Variants in MTCL2 observed in about 807,000 individuals in gnomAD.
MTCL2 encodes microtubule cross-linking factor 2.
chr20:36,803,085 C>T, the MTCL2 span: 1 of 1,608,200 alleles, frequency 6.2e-7, no homozygotes, highest in Non-Finnish European at 8.5e-7. Context: ...CTCCCCGGCC[C>T]CCTTCCCTGT....
the MTCL2 span, chr20:36,808,414 T>G: frequency 1.0e-6 from 1 of 963,266 alleles, no homozygotes; most frequent in Non-Finnish European, 1.6e-6. Flanking sequence ...ATGGCAGGTA[T>G]GTGAGCCTAG....
chr20:36,826,293 T>C, the MTCL2 span, among the ~76,000 whole-genome samples: 9 of 86,928 alleles, frequency 1.0e-4, no homozygotes, highest in Non-Finnish European at 2.0e-4. Context: ...TTCTTTTCTG[T>C]TTCCCCCCTC....
the MTCL2 span, chr20:36,817,472 G>A: frequency 6.5e-7 from 1 of 1,534,162 alleles, no homozygotes; most frequent in Admixed American, 2.1e-5. Flanking sequence ...AAGGAATGCT[G>A]AAGTGAGATT....
chr20:36,786,626 A>G, the MTCL2 span: 2 of 1,550,134 alleles, frequency 1.3e-6, no homozygotes, highest in Admixed American at 3.9e-5. Flanking sequence ...TACTACAGTC[A>G]CAAACAGCGT....
chr20:36,811,378 C>A, the MTCL2 span, among the ~76,000 whole-genome samples: 1 of 152,024 alleles, frequency 6.6e-6, no homozygotes, highest in Non-Finnish European at 1.5e-5. Context: ...CCTGTAATAC[C>A]AGCACTTTGG....
chr20:36,828,310 T>A, the MTCL2 span, among the ~76,000 whole-genome samples: 3 of 152,216 alleles, frequency 2.0e-5, no homozygotes, highest in African/African-American at 7.2e-5. Context: ...GAGCCCTGCA[T>A]GGCCTTGAGG....
the MTCL2 span, chr20:36,802,766 A>G: frequency 4.1e-6 from 6 of 1,450,162 alleles, no homozygotes; most frequent in South Asian, 6.8e-5. Context: ...ACCTAGATCC[A>G]GCTATACCTG....
the MTCL2 span, among the ~76,000 whole-genome samples, chr20:36,794,939 T>C: frequency 6.6e-6 from 1 of 151,466 alleles, no homozygotes; most frequent in Non-Finnish European, 1.5e-5. The surrounding 1 kb of genome is among the most constrained non-coding windows in gnomAD (Gnocchi z 5.4). Flanking sequence ...TGGCTTTTTT[T>C]TTTCTTTTTT....
At chr20:36,837,192 G>C in the MTCL2 span, among the ~76,000 whole-genome samples, 5 of 152,118 alleles carry the variant, frequency 3.3e-5, no homozygotes, top group Non-Finnish European at 5.9e-5. Context: ...GCCTCCCTAG[G>C]GCCCCATCCC....
At chr20:36,787,918 C>T in the MTCL2 span, among the ~76,000 whole-genome samples, 19 of 140,130 alleles carry the variant, frequency 1.4e-4, no homozygotes, top group Non-Finnish European at 2.1e-4. Context: ...TGCTGCTGGA[C>T]AGCTGGCCAT....
At chr20:36,807,865 CTTT>C in the MTCL2 span, among the ~76,000 whole-genome samples, 2 of 53,506 alleles carry the variant, frequency 3.7e-5, no homozygotes, top group African/African-American at 7.1e-5. Flanking sequence ...GAAACCCTGT[CTTT>C]TTTTTTTTTT....
At chr20:36,833,004 TCAC>T in the MTCL2 span, among the ~76,000 whole-genome samples, 1 of 152,170 alleles carries the variant, frequency 6.6e-6, no homozygotes, top group Admixed American at 6.5e-5. Context: ...CCCCGGGTGC[TCAC>T]CACGTGCTTT....
the MTCL2 span, chr20:36,793,502 A>T: frequency 5.0e-5 from 77 of 1,551,582 alleles, no homozygotes; most frequent in Non-Finnish European, 6.6e-5. The surrounding 1 kb of genome is among the most constrained non-coding windows in gnomAD (Gnocchi z 6.8). Flanking sequence ...TTCCTGCACA[A>T]TGCCGTACTT....
At chr20:36,778,026 T>C in the MTCL2 span, 1 of 473,944 alleles carries the variant, frequency 2.1e-6, no homozygotes, top group Non-Finnish European at 3.7e-6. Context: ...TTCTGCCTCC[T>C]GCCTCCCCAG....
the MTCL2 span, among the ~76,000 whole-genome samples, chr20:36,799,303 C>G: frequency 6.6e-6 from 1 of 152,030 alleles, no homozygotes; most frequent in Non-Finnish European, 1.5e-5. Context: ...CCAGCCTGAC[C>G]AACATGGAGA....
the MTCL2 span, among the ~76,000 whole-genome samples, chr20:36,792,167 T>C: frequency 1.3e-5 from 2 of 152,164 alleles, no homozygotes; most frequent in African/African-American, 4.8e-5. Flanking sequence ...TTTTATGCTG[T>C]AAATCCTCCC....
At chr20:36,839,134 G>A in the MTCL2 span, 1 of 1,338,256 alleles carries the variant, frequency 7.5e-7, no homozygotes, top group Non-Finnish European at 1.0e-6. The surrounding 1 kb of genome is among the most constrained non-coding windows in gnomAD (Gnocchi z 5.1). Flanking sequence ...TGGACACACG[G>A]AAATGAGATG....
At chr20:36,798,418 T>C in the MTCL2 span, among the ~76,000 whole-genome samples, 3 of 152,220 alleles carry the variant, frequency 2.0e-5, no homozygotes, top group Admixed American at 2.0e-4. Flanking sequence ...GGTGTTCTTG[T>C]GGTTATTTCC....
At chr20:36,785,517 C>G in the MTCL2 span, 1 of 985,312 alleles carries the variant, frequency 1.0e-6, no homozygotes, top group African/African-American at 1.7e-5. Flanking sequence ...CTGACCTGGC[C>G]AACCAAGAAT....
Sources: allele counts gnomAD v4.1 joint callset (sites outside exome capture counted in the v4.1 genomes callset), GRCh38; gene constraint gnomAD v4.1.1; non-coding constraint Gnocchi (gnomAD v3.1); transcripts MANE v1.5; gene names NCBI Gene and HGNC (gene_info 2026-07-23, HGNC 2026-07-21).